NEGR1: variants seen among roughly 807,000 people sequenced by gnomAD.
NEGR1 encodes the protein IgLON family member 4.
NEGR1 carries 10 observed loss-of-function variants against 40.9 expected under a neutral mutation model. That is an observed-to-expected ratio of 0.24 (90% CI 0.15 to 0.42). The LOEUF is 0.42. Among genes scored for constraint, NEGR1 ranks in the 10% least tolerant of loss-of-function variants. The probability of loss-of-function intolerance (pLI) is 1.00; values close to 1 mark genes in which losing one functional copy is unlikely to be tolerated. For synonymous variants in NEGR1, 185 were observed against 166.8 expected (o/e 1.11, Z -0.84); for missense variants, 352 against 438.9 (o/e 0.80, Z 1.77).
chr1:71,609,566 CTG>C lies in NEGR1; in HGVS notation c.788+1458_788+1459del, dbSNP rs1395590319. 3.1e-4 allele frequency among the ~76,000 whole-genome samples: 32 copies of C among 103,540 alleles called. 1 individual carries two copies. In the Admixed American group the frequency reaches 4.0e-3, roughly 13 times the overall value. The allele number at this position is 103,540 out of a possible 152,430, so 67.9% of individuals were successfully genotyped here. A position where few individuals can be genotyped will look rare whatever the true frequency, so the allele number is the denominator to read the frequency against. On this transcript the variant is annotated intron_variant, in intron 5 of 6. Transcript: ENST00000357731. ...AAAAAAAAAAAAAAAAGAAATGAGA[CTG>C]TTATGGGGATATTATCCCTTATTAT...
At chr1:72,156,424 A>G (rs1651359242) in intron 1 of NEGR1, among the ~76,000 whole-genome samples, 1 of 152,182 alleles carries the variant, frequency 6.6e-6, no homozygotes, top group Non-Finnish European at 1.5e-5. Flanking sequence ...AAAGCAGTAG[A>G]AAGAATCATC....
intron 3 of NEGR1, among the ~76,000 whole-genome samples, chr1:71,763,733 A>ATAAATAAACT (rs1415404452): frequency 1.4e-4 from 19 of 133,008 alleles, no homozygotes; most frequent in Non-Finnish European, 2.8e-4. Flanking sequence ...TAAAGGGCTG[A>ATAAATAAACT]TGCATATTTA....
intron 1 of NEGR1, among the ~76,000 whole-genome samples, chr1:72,128,930 G>A (rs956896269): frequency 1.3e-5 from 2 of 152,134 alleles, no homozygotes; most frequent in Admixed American, 6.5e-5. Flanking sequence ...GGTTCAATCT[G>A]CCTGACTGCT....
At chr1:71,724,873 C>T (rs991212302) in intron 3 of NEGR1, among the ~76,000 whole-genome samples, 3 of 152,010 alleles carry the variant, frequency 2.0e-5, no homozygotes, top group African/African-American at 7.2e-5. Flanking sequence ...AACCACCTTG[C>T]TCCCTCTGGA....
chr1:72,184,092 T>C (rs1440477287), intron 1 of NEGR1, among the ~76,000 whole-genome samples: 1 of 152,138 alleles, frequency 6.6e-6, no homozygotes, highest in African/African-American at 2.4e-5. Context: ...TCTTGACAGA[T>C]AAATGTACCT....
Position 71,513,658 on chromosome 1 carries a change from G to C in NEGR1, c.940+79159C>G, listed in dbSNP as rs555022540. Among the ~76,000 whole-genome samples the C allele has an allele frequency of 6.6e-5, 10 of 152,310 alleles. No homozygotes were observed. The East Asian group carries it at 1.9e-3, about 29-fold the overall frequency. On this transcript the variant is annotated intron_variant, in intron 6 of 6. Transcript: ENST00000357731. ...ATCCTGATTTTATAGGAGAAACTGA[G>C]ATTCACGGAAGTTAGGTAGCCTCCT...
intron 1 of NEGR1, among the ~76,000 whole-genome samples, chr1:72,150,418 C>T (rs1037945199): frequency 6.6e-6 from 1 of 151,996 alleles, no homozygotes; most frequent in African/African-American, 2.4e-5. Context: ...GTAAATACAA[C>T]CATTGAAAAA....
intron 3 of NEGR1, among the ~76,000 whole-genome samples, chr1:71,756,018 A>ATC (rs1655721228): frequency 6.6e-6 from 1 of 152,172 alleles, no homozygotes; most frequent in South Asian, 2.1e-4. Flanking sequence ...CCTCAAATGT[A>ATC]TTTGTCATAT....
chr1:71,657,939 A>G (rs1651930239), intron 4 of NEGR1, among the ~76,000 whole-genome samples: 2 of 152,190 alleles, frequency 1.3e-5, no homozygotes, highest in Admixed American at 6.5e-5. Flanking sequence ...ACATTAACCT[A>G]AACAGTTTTA....
chr1:72,077,140 C>T (rs553183673), intron 1 of NEGR1, among the ~76,000 whole-genome samples: 253 of 151,896 alleles, frequency 1.7e-3, no homozygotes, highest in Non-Finnish European at 1.5e-3. Flanking sequence ...GTGATCCATC[C>T]GCCTCGGCCT....
At chr1:71,614,590 C>A (rs1054986716) in intron 4 of NEGR1, among the ~76,000 whole-genome samples, 1 of 152,082 alleles carries the variant, frequency 6.6e-6, no homozygotes. Context: ...AGACTGTAAT[C>A]TTTTATGATA....
chr1:71,611,865 GT>G (rs1014658455), intron 4 of NEGR1, among the ~76,000 whole-genome samples: 23 of 152,098 alleles, frequency 1.5e-4, no homozygotes, highest in Admixed American at 2.6e-4. Context: ...GCTGGAAAAA[GT>G]TTCCCCGCCT....
chr1:71,929,611 T>C (rs1473564800), intron 2 of NEGR1, among the ~76,000 whole-genome samples: 3 of 152,218 alleles, frequency 2.0e-5, no homozygotes, highest in Non-Finnish European at 4.4e-5. Flanking sequence ...TTAGTGGCGA[T>C]AATTTTTCTT....
chr1:71,412,697 C>T (rs566225155), intron 6 of NEGR1, among the ~76,000 whole-genome samples: 5 of 152,096 alleles, frequency 3.3e-5, no homozygotes, highest in African/African-American at 1.2e-4. Context: ...TTCTTTCTTA[C>T]TACCTGCTTA....
At chr1:71,481,650 G>A (rs1646854783) in intron 6 of NEGR1, among the ~76,000 whole-genome samples, 1 of 151,842 alleles carries the variant, frequency 6.6e-6, no homozygotes, top group African/African-American at 2.4e-5. Context: ...TTCATTGTAT[G>A]TTCTTTCAAA....
chr1:72,188,569 C>T (rs1652697714), intron 1 of NEGR1, among the ~76,000 whole-genome samples: 2 of 151,398 alleles, frequency 1.3e-5, no homozygotes, highest in Admixed American at 1.3e-4. Context: ...TGCTTATAAC[C>T]TTCTGCTTAA....
chr1:72,248,827 C>T (rs1328002494), intron 1 of NEGR1, among the ~76,000 whole-genome samples: 1 of 151,960 alleles, frequency 6.6e-6, no homozygotes, highest in Non-Finnish European at 1.5e-5. Context: ...AGGTGATCCA[C>T]CCGCCTTGAC....
In NEGR1 at chr1:71,689,158, G is replaced by A. The variant is rs186147969; in HGVS notation, c.667+8850C>T. On this transcript the variant is annotated intron_variant, in intron 4 of 6. Transcript: ENST00000357731. ...GTTTGCCCAGATTTGCCAACAATGC[G>A]TAATAGAACGAAATTATCATCCTTA... Among the ~76,000 whole-genome samples, 7 of 152,204 alleles carry A rather than the reference G, an allele frequency of 4.6e-5. No individual in the cohort carries two copies. In the East Asian group the frequency reaches 9.7e-4, roughly 21 times the overall value.
intron 1 of NEGR1, among the ~76,000 whole-genome samples, chr1:72,146,163 TC>T (rs1240409343): frequency 2.0e-5 from 3 of 152,160 alleles, no homozygotes; most frequent in Non-Finnish European, 4.4e-5. Flanking sequence ...TTGAGCCTCT[TC>T]AATTCAAAAG....
Sources: allele counts gnomAD v4.1 joint callset (sites outside exome capture counted in the v4.1 genomes callset), GRCh38; gene constraint gnomAD v4.1.1; transcripts MANE v1.5; gene names NCBI Gene and HGNC (gene_info 2026-07-23, HGNC 2026-07-21).